The following PEAK1 variants were observed in gnomAD, a reference collection of about 807,000 sequenced individuals.
PEAK1 encodes the protein inactive tyrosine-protein kinase PEAK1.
In PEAK1, 54 loss-of-function variants were observed where a neutral mutation model predicts 124.7. That is an observed-to-expected ratio of 0.43 (90% confidence interval 0.35 to 0.54). The LOEUF is 0.54. Among genes scored for constraint, PEAK1 ranks in the 20% least tolerant of loss-of-function variants. The pLI, the probability that PEAK1 is intolerant of heterozygous loss-of-function variation, is 0.01. For synonymous variants in PEAK1, 719 were observed against 760.0 expected (o/e 0.95, Z 0.89); for missense variants, 2,046 against 2,134.5 (o/e 0.96, Z 0.82).
chr15:77,284,162 A>G (rs142084823), intron 4 of PEAK1, 132 bp from the exon 5 acceptor site: 6 of 290,698 alleles, frequency 2.1e-5, no homozygotes, highest in African/African-American at 1.4e-4. Flanking sequence ...GAGTATGGTG[A>G]TGAGGCTCAC....
At chr15:77,267,851 G>A (rs918703647) in intron 5 of PEAK1, among the ~76,000 whole-genome samples, 2 of 151,820 alleles carry the variant, frequency 1.3e-5, no homozygotes, top group Non-Finnish European at 2.9e-5. Context: ...CAATGGATCC[G>A]AACCAGGAAA....
chr15:77,334,219 A>C, intron 2 of PEAK1: 1 of 984,152 alleles, frequency 1.0e-6, no homozygotes. Context: ...GACGTAACTA[A>C]CCACATAATT....
At chr15:77,326,799 G>A (rs1027342325) in intron 2 of PEAK1, among the ~76,000 whole-genome samples, 1 of 152,052 alleles carries the variant, frequency 6.6e-6, no homozygotes, top group Non-Finnish European at 1.5e-5. Flanking sequence ...TGACATGTGG[G>A]ATATACATAT....
chr15:77,165,509 T>C (rs1345583754), intron 7 of PEAK1, among the ~76,000 whole-genome samples: 1 of 152,066 alleles, frequency 6.6e-6, no homozygotes, highest in Non-Finnish European at 1.5e-5. Flanking sequence ...TGGAACAGCC[T>C]TTCTGGGGCC....
chr15:77,242,819 C>T (rs1649335669), intron 6 of PEAK1, among the ~76,000 whole-genome samples: 1 of 152,120 alleles, frequency 6.6e-6, no homozygotes, highest in Non-Finnish European at 1.5e-5. Context: ...TTCTATCATG[C>T]CTCACTTATA....
intron 2 of PEAK1, among the ~76,000 whole-genome samples, chr15:77,299,103 T>G (rs1211040623): frequency 6.6e-6 from 1 of 152,230 alleles, no homozygotes; most frequent in Non-Finnish European, 1.5e-5. Flanking sequence ...TTTCCAAGGT[T>G]ATTTATAAGA....
intron 1 of PEAK1, chr15:77,418,240 C>T (rs1449324698): frequency 2.0e-6 from 2 of 985,242 alleles, no homozygotes; most frequent in Non-Finnish European, 2.4e-6. Flanking sequence ...AACCCTAGAA[C>T]ACAGCCACAC....
intron 2 of PEAK1, among the ~76,000 whole-genome samples, chr15:77,306,313 C>T (rs1597211951): frequency 6.6e-6 from 1 of 152,242 alleles, no homozygotes; most frequent in East Asian, 1.9e-4. Flanking sequence ...GTTCTAAACC[C>T]TCCTTTGGAC....
intron 6 of PEAK1, among the ~76,000 whole-genome samples, chr15:77,235,972 T>C (rs1440475294): frequency 6.6e-6 from 1 of 152,178 alleles, no homozygotes; most frequent in Non-Finnish European, 1.5e-5. Flanking sequence ...AGTCAAGAAA[T>C]GAGGTTTGGG....
intron 8 of PEAK1, among the ~76,000 whole-genome samples, chr15:77,137,519 T>C (rs2053434953): frequency 6.6e-6 from 1 of 152,182 alleles, no homozygotes; most frequent in African/African-American, 2.4e-5. Flanking sequence ...AGGGAGATCA[T>C]TTGGGAACTT....
chr15:77,346,314 A>T, intron 2 of PEAK1: 2 of 962,188 alleles, frequency 2.1e-6, no homozygotes, highest in Non-Finnish European at 1.2e-6. Flanking sequence ...ATTTTGTTCT[A>T]TTCTATTGAC....
At chr15:77,382,723 A>G (rs1241482148) in intron 1 of PEAK1, among the ~76,000 whole-genome samples, 1 of 152,132 alleles carries the variant, frequency 6.6e-6, no homozygotes, top group Admixed American at 6.6e-5. Flanking sequence ...TATTTTGTCT[A>G]AGAATCCTCG....
chr15:77,150,687 G>A (rs974402175), intron 8 of PEAK1, among the ~76,000 whole-genome samples: 8 of 107,368 alleles, frequency 7.5e-5, no homozygotes, highest in East Asian at 2.7e-4. Flanking sequence ...AACATTCCCC[G>A]GAGTGTGATG....
intron 1 of PEAK1, chr15:77,403,920 G>A (rs1285942602): frequency 3.1e-6 from 3 of 978,798 alleles, no homozygotes; most frequent in South Asian, 4.7e-5. Context: ...CCAACTTTTA[G>A]GTTCAGGGGA....
At chr15:77,306,839 T>A (rs1010118517) in intron 2 of PEAK1, among the ~76,000 whole-genome samples, 1 of 152,142 alleles carries the variant, frequency 6.6e-6, no homozygotes, top group Non-Finnish European at 1.5e-5. Context: ...ATTGCCAACA[T>A]TACCTCACAG....
chr15:77,359,399 C>A (rs1161385615), intron 2 of PEAK1, among the ~76,000 whole-genome samples: 2 of 151,270 alleles, frequency 1.3e-5, no homozygotes, highest in African/African-American at 2.4e-5. Flanking sequence ...ATGTTCACAC[C>A]ACTACACTCC....
chr15:77,330,303 A>G (rs1044891164), intron 2 of PEAK1, among the ~76,000 whole-genome samples: 1 of 152,224 alleles, frequency 6.6e-6, no homozygotes, highest in African/African-American at 2.4e-5. Context: ...CTAAGCTACC[A>G]TCATCTCTTG....
intron 2 of PEAK1, chr15:77,337,733 T>C: frequency 1.0e-6 from 1 of 985,352 alleles, no homozygotes; most frequent in Non-Finnish European, 1.2e-6. Flanking sequence ...GTTATGAACA[T>C]AGTGTCACTA....
intron 2 of PEAK1, among the ~76,000 whole-genome samples, chr15:77,356,170 G>C (rs1257891562): frequency 6.6e-6 from 1 of 152,158 alleles, no homozygotes; most frequent in African/African-American, 2.4e-5. Flanking sequence ...AAAATGTTTT[G>C]AATTTTTACA....
Sources: allele counts gnomAD v4.1 joint callset (sites outside exome capture counted in the v4.1 genomes callset), GRCh38; gene constraint gnomAD v4.1.1; transcripts MANE v1.5; gene names NCBI Gene and HGNC (gene_info 2026-07-23, HGNC 2026-07-21).